EML2: variants seen among roughly 807,000 people sequenced by gnomAD.
EML2 encodes the protein echinoderm microtubule-associated protein-like 2.
In EML2, 59 loss-of-function variants were observed where a neutral mutation model predicts 84.7. The ratio of observed to expected loss-of-function variants is 0.70; its 90% CI spans 0.56 to 0.86. The LOEUF (loss-of-function observed/expected upper bound fraction) is 0.86. Ranked by LOEUF, EML2 falls within the 40% of genes least tolerant of loss-of-function variation. The pLI, the probability that EML2 is intolerant of heterozygous loss-of-function variation, is 0.00. For synonymous variants in EML2, 352 were observed against 348.9 expected (o/e 1.01, Z -0.10); for missense variants, 818 against 855.6 (o/e 0.96, Z 0.55).
intron 17 of EML2, among the ~76,000 whole-genome samples, chr19:45,614,134 G>A (rs1440090450): frequency 1.3e-5 from 2 of 152,174 alleles, no homozygotes; most frequent in Non-Finnish European, 2.9e-5. Context: ...CCTCCAGGAA[G>A]CCCTCCCTGA....
chr19:45,625,227 G>A (rs894737115), intron 8 of EML2, among the ~76,000 whole-genome samples: 5 of 151,822 alleles, frequency 3.3e-5, no homozygotes, highest in South Asian at 2.1e-4. Flanking sequence ...CATCATGGCC[G>A]GCTAATTTTG....
At chr19:45,644,901 G>A (rs73570973), upstream of EML2, 7,300 of 430,946 alleles carry the variant, frequency 0.017, 449 homozygotes, top group African/African-American at 0.13. Context: ...CACCCCCTCT[G>A]TCTGTCCCCC....
chr19:45,644,822 A>T, upstream of EML2: 1 of 456,380 alleles, frequency 2.2e-6, no homozygotes, highest in Non-Finnish European at 4.4e-6. Flanking sequence ...GGTATCCTAG[A>T]AGCAAAGTCC....
chr19:45,638,482 A>G lies in EML2; in HGVS notation c.179+23T>C, dbSNP rs774815897. On this transcript the variant is annotated intron_variant, in intron 3 of 18. Coordinates refer to ENST00000245925, the MANE Select transcript of EML2 (RefSeq NM_012155.4). ...TCCTCCTGGGGGGATGGGAGCACCAAGGAGATTCCAGCAAAAGGATACACC... is the reference window on the plus strand; with the variant it reads ...TCCTCCTGGGGGGATGGGAGCACCAGGGAGATTCCAGCAAAAGGATACACC... 4 of 1,613,790 alleles carry G rather than the reference A, an allele frequency of 2.5e-6. No homozygotes were observed. In the South Asian group the frequency reaches 4.4e-5, roughly 18 times the overall value.
At chr19:45,617,055 G>T (rs1040653900) in intron 13 of EML2, among the ~76,000 whole-genome samples, 1 of 152,144 alleles carries the variant, frequency 6.6e-6, no homozygotes, top group Non-Finnish European at 1.5e-5. Context: ...AAATCAGCCT[G>T]GTCAACATAG....
At chr19:45,643,744 C>T (rs866305758), upstream of EML2, 4 of 1,520,628 alleles carry the variant, frequency 2.6e-6, no homozygotes, top group African/African-American at 2.8e-5. Flanking sequence ...GCCGCTCCTC[C>T]CTCCTTCCCT....
intron 6 of EML2, among the ~76,000 whole-genome samples, chr19:45,631,429 A>C (rs1484176820): frequency 5.4e-5 from 8 of 149,086 alleles, no homozygotes; most frequent in Non-Finnish European, 1.0e-4. Context: ...ATCTATCTAT[A>C]TATTTTTGAG....
chr19:45,630,067 G>A, intron 6 of EML2, 21 bp from the exon 7 acceptor site: 6 of 1,580,516 alleles, frequency 3.8e-6, no homozygotes, highest in South Asian at 3.3e-5. Context: ...GGAGAGAGGA[G>A]GGGGACAGAG....
upstream of EML2, chr19:45,641,607 T>C (rs1354887276): frequency 2.0e-6 from 3 of 1,530,668 alleles, no homozygotes; most frequent in Non-Finnish European, 2.6e-6. Flanking sequence ...CCTCCCTATC[T>C]CTTTCTGCGG....
In EML2 at chr19:45,630,005, A is replaced by G; in HGVS notation, c.552T>C (p.Asp184=). ...CCCAGTCCCACACCGAGAGCATGTG[A>G]TCATTGGATTCATCCACTGCACACA... ...NLLCAVDESN[D]HMLSVWDWAK... is the part of the protein sequence containing the mutation. Residue 184 remains aspartate (D), a synonymous_variant, in exon 7 of 19, where the codon GAT becomes GAC. Coordinates refer to ENST00000245925, the MANE Select transcript of EML2 (RefSeq NM_012155.4). The G allele has an allele frequency of 6.2e-7, 1 of 1,613,530 alleles. No homozygotes were observed. Among genetic ancestry groups the G allele is most frequent in the Non-Finnish European group, 8.5e-7 (1 of 1,179,696 alleles).
intron 3 of EML2, among the ~76,000 whole-genome samples, chr19:45,637,024 C>T (rs185462780): frequency 1.4e-3 from 218 of 152,396 alleles, no homozygotes; most frequent in Non-Finnish European, 2.4e-3. Flanking sequence ...GGGGAGCAAT[C>T]TGAGGTCCTC....
upstream of EML2, chr19:45,644,745 C>A: frequency 2.2e-6 from 1 of 456,120 alleles, no homozygotes. Context: ...TCTGGTATCA[C>A]ACCCATTTGT....
chr19:45,619,658 C>A (rs1971471768), intron 11 of EML2, among the ~76,000 whole-genome samples: 1 of 152,226 alleles, frequency 6.6e-6, no homozygotes, highest in South Asian at 2.1e-4. Flanking sequence ...GCGCAGTCAT[C>A]TAGGCAGGTG....
chr19:45,634,502 G>T, intron 3 of EML2, 31 bp from the exon 4 acceptor site: 1 of 1,499,286 alleles, frequency 6.7e-7, no homozygotes. Context: ...GTTAAGGAAT[G>T]TGTTTTGTTG....
rs757991243 is a variant in EML2 at position 45,621,642 on chromosome 19, AG to A, written c.842-6del. The A allele has an allele frequency of 6.2e-7, 1 of 1,605,394 alleles. No homozygotes were observed. The highest frequency in any genetic ancestry group is 2.2e-5 in the East Asian group (1 of 44,840). ...CCTGTGTGATACGGTTCCCACCTGC[AG>A]GGTGGCCAGGGGCAGGGTCAACAGG... On this transcript the variant is annotated splice_region_variant and splice_polypyrimidine_tract_variant and intron_variant, in intron 9 of 18. Transcript: ENST00000245925.
At chr19:45,621,129 G>C in intron 11 of EML2, 78 bp downstream of exon 11, 9 of 1,551,924 alleles carry the variant, frequency 5.8e-6, no homozygotes, top group Non-Finnish European at 6.1e-6. Flanking sequence ...CTGGGAGTGG[G>C]GAGGGGGAGT....
intron 11 of EML2, chr19:45,620,763 T>C (rs1008457365): frequency 1.1e-5 from 3 of 278,172 alleles, no homozygotes; most frequent in Non-Finnish European, 2.2e-5. Context: ...GTAGGTGAGT[T>C]CTTTAATTGG....
At chr19:45,619,291 C>T in intron 11 of EML2, 100 bp from the exon 12 acceptor site, 1 of 1,434,242 alleles carries the variant, frequency 7.0e-7, no homozygotes, top group South Asian at 1.4e-5. Context: ...CAGCAACTCA[C>T]CCTGCCCCAG....
intron 4 of EML2, 84 bp downstream of exon 4, chr19:45,634,238 T>C (rs1973432875): frequency 6.3e-7 from 1 of 1,579,088 alleles, no homozygotes; most frequent in Non-Finnish European, 8.7e-7. Flanking sequence ...AGGGTAGCAA[T>C]GTGAAAAGAG....
Sources: gnomAD v4.1 joint callset for allele counts (sites outside exome capture counted in the v4.1 genomes callset) on GRCh38, gnomAD v4.1.1 for gene constraint, MANE v1.5 for transcripts, NCBI Gene and HGNC (gene_info 2026-07-23, HGNC 2026-07-21) for gene names.